HSPA8: variants seen among roughly 807,000 people sequenced by gnomAD.
HSPA8 encodes heat shock cognate 71 kDa protein.
In HSPA8, 2 loss-of-function variants were observed where a neutral mutation model predicts 52.8. The observed-to-expected ratio is 0.04, with a 90% confidence interval of 0.02 to 0.12. HSPA8 has a LOEUF of 0.12. Among genes scored for constraint, HSPA8 ranks in the 10% least tolerant of loss-of-function variants. The pLI is 1.00. For synonymous variants in HSPA8, 436 were observed against 274.0 expected (o/e 1.59, Z -5.84); for missense variants, 349 against 800.5 (o/e 0.44, Z 6.81).
chr11:123,058,219 G>A (rs200605052), intron 8 of HSPA8, 33 bp downstream of exon 8: 10 of 1,241,666 alleles, frequency 8.1e-6, no homozygotes, highest in East Asian at 7.1e-5. Context: ...TCCATTGAGT[G>A]GGGGAGGAAA....
chr11:123,058,603 G>GT (rs1375779039), intron 7 of HSPA8, 29 bp downstream of exon 7: 14 of 1,596,658 alleles, frequency 8.8e-6, no homozygotes, highest in Non-Finnish European at 1.2e-5. Context: ...CATTATCCCT[G>GT]TCAAGACCAG....
chr11:123,060,838 G>A (rs778558035), intron 2 of HSPA8, 40 bp from the exon 3 acceptor site: 2 of 1,555,028 alleles, frequency 1.3e-6, no homozygotes, highest in Admixed American at 1.7e-5. Context: ...CAATTTCATA[G>A]CTCTTCTGAT....
intron 8 of HSPA8, 78 bp from the exon 9 acceptor site, chr11:123,057,997 C>T (rs750531960): frequency 1.7e-4 from 201 of 1,215,164 alleles, no homozygotes; most frequent in Non-Finnish European, 2.3e-4. Context: ...CAATCTGATA[C>T]TAAAAGTCTG....
In HSPA8 at chr11:123,060,877, C is replaced by G. The variant is rs1347598264; in HGVS notation, c.206-79G>C. 7.7e-6 allele frequency: 10 copies of G among 1,302,970 alleles called. No individual in the cohort carries two copies. In the South Asian group the frequency reaches 1.2e-4, roughly 16 times the overall value. The allele number at this position is 1,302,970 out of a possible 1,614,324, so 80.7% of individuals were successfully genotyped here. ...ACTCAAGTCCATGATTACTCAAATACCTAACAGTTCATAGGTAGGTGAATT... is the reference window on the plus strand; with the variant it reads ...ACTCAAGTCCATGATTACTCAAATAGCTAACAGTTCATAGGTAGGTGAATT... On this transcript the variant is annotated intron_variant, in intron 2 of 8. Transcript: ENST00000534624.
Position 123,057,801 on chromosome 11 carries a change from A to T in HSPA8, c.1874T>A (p.Phe625Tyr). The T allele has an allele frequency of 6.2e-7, 1 of 1,613,850 alleles. No individual in the cohort carries two copies. Among genetic ancestry groups the T allele is most frequent in the Non-Finnish European group, 8.5e-7 (1 of 1,179,812 alleles). Reference sequence around the variant, plus strand: ...AGAGGGAGGAGCTCCACCACCAGGAAATCCCCCAGGCATTCCTCCTGGCAT... The same window carrying T: ...AGAGGGAGGAGCTCCACCACCAGGATATCCCCCAGGCATTCCTCCTGGCAT... ...GGMPGGMPGGFPGGGAPPSGG... is the reference protein window; with the variant it reads ...GGMPGGMPGGYPGGGAPPSGG... Residue 625 changes from phenylalanine to tyrosine, a missense_variant, in exon 9 of 9, where the codon TTT becomes TAT. Coordinates refer to ENST00000534624, the MANE Select transcript of HSPA8 (RefSeq NM_006597.6).
At chr11:123,058,021 C>A in intron 8 of HSPA8, 102 bp from the exon 9 acceptor site, 5 of 918,314 alleles carry the variant, frequency 5.4e-6, no homozygotes, top group Non-Finnish European at 1.7e-6. Context: ...CAAACTCTTA[C>A]AAGAGGGCCA....
intron 8 of HSPA8, 56 bp from the exon 9 acceptor site, chr11:123,057,975 T>A: frequency 7.3e-7 from 1 of 1,377,444 alleles, no homozygotes; most frequent in Non-Finnish European, 1.0e-6. Flanking sequence ...TAACCCTTCT[T>A]TCTCCCTGAC....
In HSPA8 at chr11:123,061,337, AAAG is replaced by A. The variant is rs778917416; in HGVS notation, c.-5-11_-5-9del. ...GTCCCTTGGACATGGTTGCTGAAAA[AAAG>A]AAAAATCTGGTTTAAAAATTCAATT... On this transcript the variant is annotated splice_polypyrimidine_tract_variant and intron_variant, in intron 1 of 8. Coordinates refer to ENST00000534624, the MANE Select transcript of HSPA8 (RefSeq NM_006597.6). 1 of 1,606,544 alleles carries A rather than the reference AAAG, an allele frequency of 6.2e-7. No individual in the cohort carries two copies.
intron 1 of HSPA8, 161 bp from the exon 2 acceptor site, chr11:123,061,490 G>A (rs1436600809): frequency 1.6e-6 from 1 of 631,282 alleles, no homozygotes; most frequent in Non-Finnish European, 2.8e-6. Flanking sequence ...AACTAGTGCT[G>A]CAGTCCAGGT....
rs1460517296 is a variant in HSPA8, at chr11:123,057,979, C to T, written c.1756-60G>A. The T allele has an allele frequency of 9.3e-5, 124 of 1,338,532 alleles. 1 individual carries two copies. In the South Asian group the frequency reaches 1.4e-3, roughly 15 times the overall value. The allele number at this position is 1,338,532 out of a possible 1,614,324, so 82.9% of individuals were successfully genotyped here. A position where few individuals can be genotyped will look rare whatever the true frequency, so the allele number is the denominator to read the frequency against. ...TTTAATGTTAATAACCCTTCTTTCT[C>T]CCTGACGCAATCTGATACTAAAAGT... On this transcript the variant is annotated intron_variant, in intron 8 of 8. Transcript: ENST00000534624.
rs916360248 is a variant in HSPA8 at position 123,058,994 on chromosome 11, G to A, written c.1323+65C>T. The A allele has an allele frequency of 6.6e-5, 97 of 1,472,236 alleles. 1 individual carries two copies. Among genetic ancestry groups the A allele is most frequent in the South Asian group, 1.8e-4 (16 of 87,684 alleles). The allele number at this position is 1,472,236 out of a possible 1,614,324, so 91.2% of individuals were successfully genotyped here. On this transcript the variant is annotated intron_variant, in intron 6 of 8. Transcript: ENST00000534624. Reference sequence around the variant, plus strand: ...TGGTTTTGGAATCCATCATCATAGCGAGTCAGTCAAGACTTCCCTTTATCT... The same window carrying A: ...TGGTTTTGGAATCCATCATCATAGCAAGTCAGTCAAGACTTCCCTTTATCT...
chr11:123,062,388 A>T (rs1865541132), upstream of HSPA8: 2 of 152,440 alleles, frequency 1.3e-5, no homozygotes, highest in Non-Finnish European at 2.9e-5. Flanking sequence ...CGCTCTCCGG[A>T]CGGCCCCGGG....
Position 123,060,575 on chromosome 11 carries a change from C to T in HSPA8, c.411+18G>A, listed in dbSNP as rs1274653463. 1 of 1,600,176 alleles carries T rather than the reference C, an allele frequency of 6.2e-7. No homozygotes were observed. Among genetic ancestry groups the T allele is most frequent in the Admixed American group, 1.7e-5 (1 of 59,896 alleles). ...TAACTACTCCGGAATGCACCCCATA[C>T]TGAAAAACCAACCTCACCTTCCCAA... On this transcript the variant is annotated intron_variant, in intron 3 of 8. Transcript: ENST00000534624.
chr11:123,058,171 G>A, intron 8 of HSPA8, 81 bp downstream of exon 8: 1 of 938,126 alleles, frequency 1.1e-6, no homozygotes, highest in Non-Finnish European at 1.7e-6. Flanking sequence ...ACCCTACACT[G>A]AAATCCAGCT....
In HSPA8 at chr11:123,058,593, C is replaced by CA. The variant is rs1446345296; in HGVS notation, c.1522+38dup. Reference sequence around the variant, plus strand: ...GGCACCAGTAACTCAATTGAAATACCATTATCCCTGTCAAGACCAGATGAC... The same window carrying CA: ...GGCACCAGTAACTCAATTGAAATACCAATTATCCCTGTCAAGACCAGATGAC... On this transcript the variant is annotated intron_variant, in intron 7 of 8. Transcript: ENST00000534624. 3 of 1,586,686 alleles carry CA rather than the reference C, an allele frequency of 1.9e-6. No homozygotes were observed. The Admixed American group carries it at 5.0e-5, about 26-fold the overall frequency.
In HSPA8 at chr11:123,060,348, G is replaced by A. The variant is rs977416205; in HGVS notation, c.412-80C>T. ...AACTCCAGCAAATGGATTAATGCTG[G>A]TGAAAGAACAGCTGGAGCACCCCCC... is the stretch of plus-strand genomic sequence containing the variant. On this transcript the variant is annotated intron_variant, in intron 3 of 8. Coordinates refer to ENST00000534624, the MANE Select transcript of HSPA8 (RefSeq NM_006597.6). The A allele has an allele frequency of 3.0e-6, 4 of 1,349,292 alleles. No individual in the cohort carries two copies. In the African/African-American group the frequency reaches 4.4e-5, roughly 15 times the overall value. 83.6% of individuals were successfully genotyped at this position (1,349,292 alleles called of 1,614,324 possible). A position where few individuals can be genotyped will look rare whatever the true frequency, so the allele number is the denominator to read the frequency against.
At position 123,060,767 on chromosome 11, in the gene HSPA8, A is replaced by G; in HGVS notation, c.237T>C (p.Asp79=). The change falls in exon 3 of 9, where the codon GAT becomes GAC. Residue 79 remains aspartate, a synonymous_variant. Transcript: ENST00000534624. ...DAKRLIGRRF[D]DAVVQSDMKH... Reference sequence around the variant, plus strand: ...TCATATCAGACTGGACAACAGCATCATCAAATCTGCGTCCAATCAGACGTT... The same window carrying G: ...TCATATCAGACTGGACAACAGCATCGTCAAATCTGCGTCCAATCAGACGTT... The G allele has an allele frequency of 1.2e-6, 2 of 1,614,120 alleles. No homozygotes were observed. The highest frequency in any genetic ancestry group is 1.7e-6 in the Non-Finnish European group (2 of 1,180,010).
chr11:123,058,623 C>A lies in HSPA8; in HGVS notation c.1522+9G>T. 1 of 1,607,658 alleles carries A rather than the reference C, an allele frequency of 6.2e-7. No homozygotes were observed. Among genetic ancestry groups the A allele is most frequent in the Non-Finnish European group, 8.5e-7 (1 of 1,174,558 alleles). On this transcript the variant is annotated intron_variant, in intron 7 of 8. Coordinates refer to ENST00000534624, the MANE Select transcript of HSPA8 (RefSeq NM_006597.6). Reference sequence around the variant, plus strand: ...TCCCTGTCAAGACCAGATGACAGTGCCTCCTTACCCTTGTCATTAGTGATA... The same window carrying A: ...TCCCTGTCAAGACCAGATGACAGTGACTCCTTACCCTTGTCATTAGTGATA...
At position 123,059,748 on chromosome 11, in the gene HSPA8, A is replaced by G. The variant is rs750129947; in HGVS notation, c.845T>C (p.Ile282Thr). 1 of 1,613,970 alleles carries G rather than the reference A, an allele frequency of 6.2e-7. No individual in the cohort carries two copies. Among genetic ancestry groups the G allele is most frequent in the Non-Finnish European group, 8.5e-7 (1 of 1,179,872 alleles). Residue 282 changes from isoleucine (I) to threonine (T), a missense_variant, in exon 5 of 9, where the codon ATT becomes ACT. By Grantham distance (89) the Ile-to-Thr change is moderately conservative (BLOSUM62 -1). Transcript: ENST00000534624. ...RTLSSSTQAS[I>T]EIDSLYEGID... ...TCCTTCATAGAGAGAATCGATCTCAATACTGGCCTGGGTGCTGGAAGAGAG... is the reference window on the plus strand; with the variant it reads ...TCCTTCATAGAGAGAATCGATCTCAGTACTGGCCTGGGTGCTGGAAGAGAG...
Sources: gnomAD v4.1 joint callset for allele counts on GRCh38, gnomAD v4.1.1 for gene constraint, MANE v1.5 for transcripts, NCBI Gene and HGNC (gene_info 2026-07-23, HGNC 2026-07-21) for gene names.